Variants in L3MBTL1 observed in about 807,000 individuals in gnomAD.
L3MBTL1 encodes the protein lethal(3)malignant brain tumor-like protein 1.
A neutral mutation model predicts 105.3 loss-of-function variants in L3MBTL1; 75 were observed. That is an observed-to-expected ratio of 0.71 (90% CI 0.59 to 0.86). L3MBTL1 has a LOEUF of 0.86. Among genes scored for constraint, L3MBTL1 ranks in the 40% least tolerant of loss-of-function variants. The pLI, the probability that L3MBTL1 is intolerant of heterozygous loss-of-function variation, is 0.00. For missense variants in L3MBTL1, 1,069 were observed against 1,126.4 expected (o/e 0.95, Z 0.73); for synonymous variants, 452 against 436.2 (o/e 1.04, Z -0.45).
At position 43,532,861 on chromosome 20, in the gene L3MBTL1, C is replaced by T. The variant is rs1230845335; in HGVS notation, c.1373C>T (p.Thr458Ile). The change falls in exon 12 of 22, where the codon ACC becomes ATC. Residue 458 changes from threonine to isoleucine, a missense_variant. Physicochemically the swap from Thr to Ile is moderately conservative, Grantham distance 89. Transcript: ENST00000418998. ...NPSLVCVASV[T>I]DVVDSRFLVH... ...TCCCTTGTCTGCGTGGCCAGTGTGA[C>T]CGATGTGGTGGACAGCCGCTTCCTG... The T allele has an allele frequency of 1.2e-6, 2 of 1,614,154 alleles. No homozygotes were observed. The highest frequency in any genetic ancestry group is 1.7e-6 in the Non-Finnish European group (2 of 1,180,034).
chr20:43,513,858 C>T lies in L3MBTL1; in HGVS notation c.157C>T (p.Leu53=), dbSNP rs1466089616. 1.3e-6 allele frequency: 2 copies of T among 1,550,546 alleles called. No individual in the cohort carries two copies. Among genetic ancestry groups the T allele is most frequent in the East Asian group, 4.9e-5 (2 of 40,930 alleles). The change falls in exon 3 of 22, where the codon CTG becomes TTG. Residue 53 remains leucine (L), a synonymous_variant. Coordinates refer to ENST00000418998, the MANE Select transcript of L3MBTL1 (RefSeq NM_001377303.1). ...IIPASSATLG[L]PSSALDVSCF... is the part of the protein sequence containing the mutation. The stretch of plus-strand genomic sequence containing the variant: ...TACAGCCAGTTCGGCCACCCTCGGC[C>T]TGCCCAGCAGTGCCCTGGATGTGTC...
At chr20:43,508,203 T>C (rs1176347047) in intron 1 of L3MBTL1, among the ~76,000 whole-genome samples, 1 of 151,944 alleles carries the variant, frequency 6.6e-6, no homozygotes, top group Non-Finnish European at 1.5e-5. Context: ...TCTTTTTTTT[T>C]TTTTGGCCAT....
intron 7 of L3MBTL1, among the ~76,000 whole-genome samples, chr20:43,522,457 GTTTTTTTTTTTTT>G (rs1176856356): frequency 5.9e-4 from 57 of 95,894 alleles, no homozygotes; most frequent in African/African-American, 2.3e-3. Flanking sequence ...TCCCTGCTAA[GTTTTTTTTTTTTT>G]TTTTTTTTTT....
intron 1 of L3MBTL1, among the ~76,000 whole-genome samples, chr20:43,511,645 G>A (rs560473899): frequency 1.3e-5 from 2 of 152,136 alleles, no homozygotes; most frequent in East Asian, 1.9e-4. Flanking sequence ...GCCAGGCTAT[G>A]TGGTATGTGC....
At position 43,526,256 on chromosome 20, in the gene L3MBTL1, G is replaced by A. The variant is rs1441611655; in HGVS notation, c.863-2401G>A. 3.9e-5 allele frequency among the ~76,000 whole-genome samples: 6 copies of A among 152,322 alleles called. 1 individual carries two copies. Among genetic ancestry groups the A allele is most frequent in the Middle Eastern group, 6.8e-3 (2 of 294 alleles). ...GAGGCAAAAAGAAGAAAGTCATCCA[G>A]GGAGGAAGAAATGGCTGTTGGGAAG... On this transcript the variant is annotated intron_variant, in intron 7 of 21. Transcript: ENST00000418998.
At chr20:43,546,453 G>A (rs1345148780), downstream of L3MBTL1, among the ~76,000 whole-genome samples, 3 of 152,282 alleles carry the variant, frequency 2.0e-5, no homozygotes, top group Middle Eastern at 3.4e-3. Context: ...CTGTATAATC[G>A]AGATAATGCT....
intron 3 of L3MBTL1, 59 bp from the exon 4 acceptor site, chr20:43,514,576 C>A: frequency 6.3e-7 from 1 of 1,597,228 alleles, no homozygotes; most frequent in Non-Finnish European, 8.5e-7. Context: ...GGCACCGACT[C>A]CGAGATGGGT....
intron 3 of L3MBTL1, chr20:43,514,432 CTG>C (rs1568917510): frequency 1.4e-6 from 2 of 1,475,238 alleles, no homozygotes; most frequent in African/African-American, 1.4e-5. Flanking sequence ...CACCCTGGGA[CTG>C]GACCCCGCAG....
chr20:43,513,594 C>T lies in L3MBTL1; in HGVS notation c.91C>T (p.Pro31Ser), dbSNP rs1190141402. 2 of 1,550,598 alleles carry T rather than the reference C, an allele frequency of 1.3e-6. No homozygotes were observed. Among genetic ancestry groups the T allele is most frequent in the South Asian group, 1.2e-5 (1 of 84,062 alleles). Residue 31 changes from proline to serine, a missense_variant, in exon 2 of 22, where the codon CCC becomes TCC. Coordinates refer to ENST00000418998, the MANE Select transcript of L3MBTL1 (RefSeq NM_001377303.1). ...VSMHLVAGDS[P>S]GSGPHLPATA... ...CATGCACTTGGTGGCCGGAGACAGC[C>T]CCGGTTCTGGTCCTCACCTGCCCGC...
rs1449586868 is a variant in L3MBTL1, at chr20:43,547,828, CAGAA to C, written c.2125-279_2125-276del. On this transcript the variant is annotated intron_variant, in intron 18 of 18. Transcript: ENST00000422861. The stretch of plus-strand genomic sequence containing the variant: ...AAATGCTAAACCTCAGACCAGTCAG[CAGAA>C]AGAGAGAAAGAGAACAAGTGTGTGA... 3.9e-5 allele frequency among the ~76,000 whole-genome samples: 6 copies of C among 152,342 alleles called. No homozygotes were observed. The East Asian group carries it at 1.2e-3, about 29-fold the overall frequency.
At chr20:43,521,431 G>C (rs573484832) in intron 7 of L3MBTL1, among the ~76,000 whole-genome samples, 1 of 152,212 alleles carries the variant, frequency 6.6e-6, no homozygotes, top group African/African-American at 2.4e-5. Flanking sequence ...GGGAAGTACT[G>C]TGTTGGTTTC....
chr20:43,530,261 C>G, intron 9 of L3MBTL1, 23 bp from the exon 10 acceptor site: 1 of 1,613,188 alleles, frequency 6.2e-7, no homozygotes, highest in Non-Finnish European at 8.5e-7. Flanking sequence ...CATTGGAGTT[C>G]CTGATTCCCC....
At chr20:43,514,570 C>T (rs1204308383) in intron 3 of L3MBTL1, 65 bp from the exon 4 acceptor site, 3 of 1,595,602 alleles carry the variant, frequency 1.9e-6, no homozygotes, top group Non-Finnish European at 2.6e-6. Flanking sequence ...GGCCATGGCA[C>T]CGACTCCGAG....
intron 7 of L3MBTL1, chr20:43,523,382 C>T (rs1320071518): frequency 1.4e-5 from 3 of 219,562 alleles, no homozygotes; most frequent in African/African-American, 4.6e-5. Flanking sequence ...AGGTCTCAGA[C>T]GTAGCAAGGA....
chr20:43,530,462 C>G (rs1202702916), intron 10 of L3MBTL1, 43 bp downstream of exon 10: 2 of 1,593,460 alleles, frequency 1.3e-6, no homozygotes, highest in Non-Finnish European at 1.7e-6. Context: ...AGTGAGTCCT[C>G]AGACCCTTCG....
intron 10 of L3MBTL1, 148 bp from the exon 11 acceptor site, chr20:43,530,650 G>A: frequency 1.2e-6 from 1 of 824,002 alleles, no homozygotes; most frequent in Admixed American, 2.3e-5. Context: ...GTCGTGTCCT[G>A]CTTCAGTAGT....
intron 7 of L3MBTL1, among the ~76,000 whole-genome samples, chr20:43,524,972 A>C (rs984906226): frequency 2.6e-5 from 4 of 152,294 alleles, no homozygotes; most frequent in African/African-American, 9.6e-5. Flanking sequence ...GTATTCTGGC[A>C]GTAGAATAAG....
At chr20:43,509,651 G>A (rs1014489743) in intron 1 of L3MBTL1, among the ~76,000 whole-genome samples, 1 of 152,210 alleles carries the variant, frequency 6.6e-6, no homozygotes, top group African/African-American at 2.4e-5. Context: ...GTTTGTGACT[G>A]TAACCCCAGA....
rs745638825 is a variant in L3MBTL1 at position 43,515,409 on chromosome 20, G to C, written c.771G>C (p.Glu257Asp). Reference protein sequence around the residue: ...QSPSEEESEPEAMEKQEEGKD... With the variant: ...QSPSEEESEPDAMEKQEEGKD... ...CATCAGAGGAGGAGTCGGAGCCAGAGGCCATGGTAGGAAGAGGGCAGTGGG... is the reference window on the plus strand; with the variant it reads ...CATCAGAGGAGGAGTCGGAGCCAGACGCCATGGTAGGAAGAGGGCAGTGGG... Residue 257 changes from glutamate to aspartate, a missense_variant, in exon 6 of 22, where the codon GAG becomes GAC. Glu to Asp is a conservative substitution (Grantham distance 45). Coordinates refer to ENST00000418998, the MANE Select transcript of L3MBTL1 (RefSeq NM_001377303.1). 3 of 1,556,086 alleles carry C rather than the reference G, an allele frequency of 1.9e-6. No homozygotes were observed. In the South Asian group the frequency reaches 3.6e-5, roughly 18 times the overall value.
Sources: gnomAD v4.1 joint callset for allele counts (sites outside exome capture counted in the v4.1 genomes callset) on GRCh38, gnomAD v4.1.1 for gene constraint, MANE v1.5 for transcripts, NCBI Gene and HGNC (gene_info 2026-07-23, HGNC 2026-07-21) for gene names.